VPS53: variants seen among roughly 807,000 people sequenced by gnomAD.
VPS53 encodes VPS53 subunit of GARP complex.
In VPS53, 70 loss-of-function variants were observed where a neutral mutation model predicts 107.0. The observed-to-expected ratio is 0.65, with a 90% confidence interval of 0.54 to 0.80. The LOEUF (loss-of-function observed/expected upper bound fraction) is 0.80, where lower values mean the gene tolerates loss of function less well. Ranked by LOEUF, VPS53 falls within the 30% of genes least tolerant of loss-of-function variation. VPS53 has a pLI of 0.00. For synonymous variants in VPS53, 409 were observed against 393.3 expected, an observed-to-expected ratio of 1.04 and a Z score of -0.47; for missense variants, 917 against 1,049.4, an observed-to-expected ratio of 0.87 and a Z score of 1.74.
At chr17:586,202 C>A in intron 13 of VPS53, 68 bp downstream of exon 13, 1 of 1,480,286 alleles carries the variant, frequency 6.8e-7, no homozygotes, top group East Asian at 2.3e-5. Context: ...GCTGTGCGCT[C>A]CTAAGACCCA....
At chr17:661,074 C>G (rs1971416753) in intron 5 of VPS53, among the ~76,000 whole-genome samples, 1 of 152,086 alleles carries the variant, frequency 6.6e-6, no homozygotes, top group African/African-American at 2.4e-5. Context: ...CTCCTCCCTC[C>G]ATCCCTCCCT....
intron 4 of VPS53, among the ~76,000 whole-genome samples, chr17:681,765 T>C (rs1972401720): frequency 6.6e-6 from 1 of 152,186 alleles, no homozygotes; most frequent in Admixed American, 6.5e-5. Context: ...CACCAGGAGA[T>C]CTGGTGCCCA....
At chr17:588,823 T>A (rs1967475605) in intron 12 of VPS53, among the ~76,000 whole-genome samples, 1 of 152,206 alleles carries the variant, frequency 6.6e-6, no homozygotes, top group African/African-American at 2.4e-5. Flanking sequence ...TTTTTCTGCA[T>A]TTCCATTAGT....
chr17:660,563 A>G (rs530226565), intron 5 of VPS53, among the ~76,000 whole-genome samples: 43 of 152,088 alleles, frequency 2.8e-4, no homozygotes, highest in Non-Finnish European at 5.4e-4. Context: ...ACTCCAGCAA[A>G]AGCAGCATCG....
intron 4 of VPS53, among the ~76,000 whole-genome samples, chr17:675,997 CG>C (rs1972143885): frequency 6.6e-6 from 1 of 152,040 alleles, no homozygotes; most frequent in Non-Finnish European, 1.5e-5. Context: ...CAATAATATA[CG>C]GAGGACGACA....
chr17:620,234 T>C (rs1430893340), intron 11 of VPS53, among the ~76,000 whole-genome samples: 2 of 152,234 alleles, frequency 1.3e-5, no homozygotes, highest in African/African-American at 4.8e-5. Flanking sequence ...ATTGGGCTGC[T>C]GCCACCACCG....
intron 12 of VPS53, among the ~76,000 whole-genome samples, chr17:598,280 T>A (rs1968088720): frequency 6.6e-6 from 1 of 152,176 alleles, no homozygotes; most frequent in Non-Finnish European, 1.5e-5. Context: ...GTGCCCAGGC[T>A]GGAGTGCAGG....
intron 19 of VPS53, chr17:523,071 C>A (rs1357811213): frequency 6.6e-6 from 1 of 151,984 alleles, no homozygotes; most frequent in Admixed American, 6.6e-5. Flanking sequence ...CGGGGTTAGA[C>A]AAAAGGTGGA....
Position 519,275 on chromosome 17 carries a change from G to A in VPS53, c.2352C>T (p.Ser784=), listed in dbSNP as rs1023247952. ...GCTGGCGCAGGAGTTCCAGCATGCT[G>A]CTCTGCTCACTCCTCTTCAGCCCCT... ...DMKGLKRSEQ[S]SMLELLRQRL... Residue 784 remains serine (S), a synonymous_variant, in exon 22 of 22, where the codon AGC becomes AGT. Coordinates refer to ENST00000437048, the MANE Select transcript of VPS53 (RefSeq NM_001128159.3). The surrounding 1 kb of genome is among the most constrained non-coding windows in gnomAD (Gnocchi z 5.0). 16 of 1,519,314 alleles carry A rather than the reference G, an allele frequency of 1.1e-5. No homozygotes were observed. In the African/African-American group the frequency reaches 2.0e-4, roughly 19 times the overall value. The allele number at this position is 1,519,314 out of a possible 1,614,324, so 94.1% of individuals were successfully genotyped here.
chr17:654,909 T>G (rs900129561), intron 6 of VPS53, among the ~76,000 whole-genome samples: 1 of 152,154 alleles, frequency 6.6e-6, no homozygotes, highest in African/African-American at 2.4e-5. Flanking sequence ...GGAACAAATG[T>G]GACCGCCCTC....
At chr17:563,176 A>C (rs1274140853) in intron 13 of VPS53, among the ~76,000 whole-genome samples, 1 of 151,600 alleles carries the variant, frequency 6.6e-6, no homozygotes, top group Non-Finnish European at 1.5e-5. Context: ...AGTACTGTTT[A>C]CCCCTCCAAA....
At chr17:537,003 G>T in intron 18 of VPS53, 25 bp downstream of exon 18, 1 of 1,613,120 alleles carries the variant, frequency 6.2e-7, no homozygotes, top group South Asian at 1.1e-5. Flanking sequence ...CAAGAACCCA[G>T]AGATGAGCAC....
chr17:656,976 A>T, intron 5 of VPS53: 1 of 934,776 alleles, frequency 1.1e-6, no homozygotes, highest in Non-Finnish European at 1.8e-6. Context: ...ACGTCAGAAG[A>T]TCCCGGGTAC....
At chr17:588,405 G>C (rs1446759030) in intron 12 of VPS53, among the ~76,000 whole-genome samples, 1 of 152,138 alleles carries the variant, frequency 6.6e-6, no homozygotes, top group Admixed American at 6.6e-5. Flanking sequence ...AATACTGGAA[G>C]AGATAAGCCC....
chr17:561,604 T>A (rs566811149), intron 14 of VPS53, among the ~76,000 whole-genome samples: 1 of 152,110 alleles, frequency 6.6e-6, no homozygotes, highest in African/African-American at 2.4e-5. Flanking sequence ...TCTCTTTGGG[T>A]AGTGGGATTA....
At chr17:662,043 G>T in intron 4 of VPS53, 148 bp from the exon 5 acceptor site, 1 of 680,488 alleles carries the variant, frequency 1.5e-6, no homozygotes, top group Non-Finnish European at 2.5e-6. Context: ...GACCAAAATA[G>T]TAGAGACCTA....
At chr17:521,208 T>C (rs1017518225) in intron 20 of VPS53, among the ~76,000 whole-genome samples, 1 of 152,050 alleles carries the variant, frequency 6.6e-6, no homozygotes, top group Non-Finnish European at 1.5e-5. Flanking sequence ...CTGTTCAGAG[T>C]TCATTTAAAG....
At chr17:536,669 A>C in intron 18 of VPS53, 1 of 210,222 alleles carries the variant, frequency 4.8e-6, no homozygotes, top group Non-Finnish European at 9.7e-6. Context: ...TGGTGGGGAC[A>C]CTCAAATTGT....
chr17:654,057 T>G (rs1189633207), intron 6 of VPS53, among the ~76,000 whole-genome samples: 1 of 151,778 alleles, frequency 6.6e-6, no homozygotes, highest in East Asian at 2.0e-4. Flanking sequence ...TAGCTGGGCG[T>G]GGTGGTGGAT....
Sources: gnomAD v4.1 joint callset for allele counts (sites outside exome capture counted in the v4.1 genomes callset) on GRCh38, gnomAD v4.1.1 for gene constraint, Gnocchi (gnomAD v3.1) non-coding constraint, MANE v1.5 for transcripts, NCBI Gene and HGNC (gene_info 2026-07-23, HGNC 2026-07-21) for gene names.